Variants in CHN2 observed in about 807,000 individuals in gnomAD.
The protein encoded by CHN2 is chimerin 2.
CHN2 carries 35 observed loss-of-function variants against 56.3 expected under a neutral mutation model. That is an observed-to-expected ratio of 0.62 (90% CI 0.47 to 0.82). The LOEUF (loss-of-function observed/expected upper bound fraction) is 0.82. CHN2 is among the 40% of genes least tolerant of loss of function. The pLI is 0.00. For missense variants in CHN2, 491 were observed against 580.5 expected (o/e 0.85, Z 1.58); for synonymous variants, 210 against 212.8 (o/e 0.99, Z 0.12).
chr7:29,369,972 G>A (rs754452150), intron 3 of CHN2, among the ~76,000 whole-genome samples: 8 of 152,132 alleles, frequency 5.3e-5, no homozygotes, highest in South Asian at 4.1e-4. Context: ...TTTCTGCCAC[G>A]AAACCTAACG....
At chr7:29,390,518 G>A (rs1470552865) in intron 3 of CHN2, among the ~76,000 whole-genome samples, 1 of 152,168 alleles carries the variant, frequency 6.6e-6, no homozygotes, top group African/African-American at 2.4e-5. Context: ...CTGAATCCAT[G>A]TGACTGCCTA....
intron 1 of CHN2, among the ~76,000 whole-genome samples, chr7:29,299,612 G>T (rs143309879): frequency 1.8e-4 from 26 of 145,864 alleles, no homozygotes; most frequent in African/African-American, 6.7e-4. Context: ...GTTCTGGAAA[G>T]CACAACATGG....
rs563543590 is a variant in CHN2 at position 29,285,489 on chromosome 7, C to T, written c.50-69136C>T. On this transcript the variant is annotated intron_variant, in intron 1 of 12. Transcript: ENST00000222792. ...GGTGTGGTCTGCTTCACATAAAATA[C>T]GGCAAGCCTAGCATAAGCCACAGTC... is the stretch of plus-strand genomic sequence containing the variant. Among the ~76,000 whole-genome samples the T allele has an allele frequency of 7.9e-5, 12 of 152,326 alleles. No individual in the cohort carries two copies. In the East Asian group the frequency reaches 9.6e-4, roughly 12 times the overall value.
rs536495712 is a variant in CHN2, at chr7:29,295,108, A to G, written c.50-59517A>G. ...ACTGTAAATCATCTCTAGACTACTT[A>G]TAATATCAAATACAATGTAAATGCT... On this transcript the variant is annotated intron_variant, in intron 1 of 12. Coordinates refer to ENST00000222792, the MANE Select transcript of CHN2 (RefSeq NM_004067.4). 2.0e-5 allele frequency among the ~76,000 whole-genome samples: 3 copies of G among 152,344 alleles called. No individual in the cohort carries two copies. The South Asian group carries it at 6.2e-4, about 32-fold the overall frequency.
chr7:29,149,368 A>G (rs886790606), intron 2 of CHN2, among the ~76,000 whole-genome samples: 4 of 151,480 alleles, frequency 2.6e-5, no homozygotes, highest in Non-Finnish European at 4.4e-5. Context: ...AATTTTTTGT[A>G]TTTGTAGTAG....
chr7:29,405,702 A>G (rs1802594888), intron 6 of CHN2, among the ~76,000 whole-genome samples: 1 of 152,150 alleles, frequency 6.6e-6, no homozygotes, highest in Admixed American at 6.5e-5. Flanking sequence ...TCCTTTACAG[A>G]TGAACTGTTT....
chr7:29,498,768 T>TTTTTTTC (rs1789595501), intron 8 of CHN2, among the ~76,000 whole-genome samples: 1 of 145,578 alleles, frequency 6.9e-6, no homozygotes, highest in African/African-American at 2.6e-5. Context: ...CTTTTTTTTT[T>TTTTTTTC]TTTTTTTTTT....
Position 29,370,167 on chromosome 7 carries a change from A to G in CHN2, c.144+2180A>G, listed in dbSNP as rs558390202. 8.5e-5 allele frequency among the ~76,000 whole-genome samples: 13 copies of G among 152,314 alleles called. No homozygotes were observed. The South Asian group carries it at 2.5e-3, about 29-fold the overall frequency. ...GGTCCTCCAGTGTGATGTTAACTGC[A>G]GATAGTTCCTGCCTAAATTCCCAAG... is the stretch of plus-strand genomic sequence containing the variant. On this transcript the variant is annotated intron_variant, in intron 3 of 12. Transcript: ENST00000222792.
chr7:29,206,637 A>G (rs764087829), intron 1 of CHN2, among the ~76,000 whole-genome samples: 2 of 152,126 alleles, frequency 1.3e-5, no homozygotes, highest in Non-Finnish European at 2.9e-5. Context: ...TCTGAGCAGA[A>G]TCACATGAAT....
intron 6 of CHN2, among the ~76,000 whole-genome samples, chr7:29,440,684 C>CAAAA (rs556692737): frequency 9.2e-4 from 42 of 45,632 alleles, no homozygotes; most frequent in East Asian, 3.4e-3. Flanking sequence ...GACTCCGTCT[C>CAAAA]AAAAAAAAAA....
intron 2 of CHN2, among the ~76,000 whole-genome samples, chr7:29,167,863 C>G (rs568090781): frequency 6.6e-6 from 1 of 152,340 alleles, no homozygotes; most frequent in Non-Finnish European, 1.5e-5. Context: ...TGTCTGCCAG[C>G]TCCTGGCTGG....
At chr7:29,256,573 C>A (rs1438763122) in intron 1 of CHN2, among the ~76,000 whole-genome samples, 1 of 152,168 alleles carries the variant, frequency 6.6e-6, no homozygotes, top group African/African-American at 2.4e-5. Flanking sequence ...GTGGTGGAAG[C>A]TGGGTGGATC....
chr7:29,410,496 G>A (rs755114735), intron 6 of CHN2, among the ~76,000 whole-genome samples: 4 of 151,966 alleles, frequency 2.6e-5, no homozygotes, highest in Non-Finnish European at 4.4e-5. Context: ...GAGTATATTT[G>A]CATTATGTCT....
intron 7 of CHN2, among the ~76,000 whole-genome samples, chr7:29,485,175 G>C (rs925103349): frequency 5.9e-5 from 9 of 152,140 alleles, no homozygotes; most frequent in African/African-American, 2.2e-4. Context: ...CATATTCAGA[G>C]TATGTGTTAT....
chr7:29,164,885 G>A (rs557166263), intron 2 of CHN2, among the ~76,000 whole-genome samples: 20 of 151,528 alleles, frequency 1.3e-4, no homozygotes, highest in African/African-American at 4.1e-4. Flanking sequence ...AAACTTTCTA[G>A]AGTGTTCCAT....
upstream of CHN2, chr7:29,193,578 G>C (rs1006194569): frequency 1.1e-4 from 17 of 152,078 alleles, no homozygotes; most frequent in Admixed American, 2.0e-4. Flanking sequence ...CTTTAGGATT[G>C]AAAGAACCGA....
In CHN2 at chr7:29,337,677, G is replaced by T. The variant is rs143736247; in HGVS notation, c.50-16948G>T. Among the ~76,000 whole-genome samples, 928 of 152,314 alleles carry T rather than the reference G, an allele frequency of 6.1e-3. 22 individuals carry two copies. The highest frequency in any genetic ancestry group is 0.048 in the Admixed American group (727 of 15,302). On this transcript the variant is annotated intron_variant, in intron 1 of 12. Transcript: ENST00000222792. ...ATTTGTTCAAGCATTTGGCATGGAA[G>T]TGATAAATGCATGCTAATGCAGAGC...
intron 1 of CHN2, among the ~76,000 whole-genome samples, chr7:29,353,673 C>T (rs1412057097): frequency 6.6e-6 from 1 of 152,098 alleles, no homozygotes; most frequent in African/African-American, 2.4e-5. Flanking sequence ...GACAGGAACA[C>T]AAGGACGAGG....
intron 3 of CHN2, among the ~76,000 whole-genome samples, chr7:29,374,446 C>G (rs551184448): frequency 2.0e-5 from 3 of 151,808 alleles, no homozygotes; most frequent in African/African-American, 7.3e-5. Flanking sequence ...TGTGATCTAC[C>G]AAAGTGCATA....
Sources: gnomAD v4.1 joint callset for allele counts (sites outside exome capture counted in the v4.1 genomes callset) on GRCh38, gnomAD v4.1.1 for gene constraint, MANE v1.5 for transcripts, NCBI Gene and HGNC (gene_info 2026-07-23, HGNC 2026-07-21) for gene names.